Variants in PDE4D observed in about 807,000 individuals in gnomAD.
PDE4D encodes the protein phosphodiesterase 4D, also known as 3',5'-cyclic-AMP phosphodiesterase 4D.
In PDE4D, 24 loss-of-function variants were observed where a neutral mutation model predicts 87.4. The observed-to-expected ratio is 0.27, with a 90% CI of 0.20 to 0.39. The LOEUF is 0.39. PDE4D is among the 10% of genes least tolerant of loss of function. PDE4D has a pLI of 1.00. For synonymous variants in PDE4D, 384 were observed against 383.2 expected, an observed-to-expected ratio of 1.00 and a Z score of -0.02; for missense variants, 714 against 1,041.0, an observed-to-expected ratio of 0.69 and a Z score of 4.32.
In PDE4D at chr5:60,043,594, T is replaced by C. The variant is rs144419900; in HGVS notation, c.43-54877A>G. 7.9e-3 allele frequency among the ~76,000 whole-genome samples: 1,194 copies of C among 150,756 alleles called. 22 individuals are homozygous for C. The highest frequency in any genetic ancestry group is 0.027 in the African/African-American group (1,129 of 41,104). ...GGAAGCACATCAGACTAACAGTGGA[T>C]CTCTCTGCAGAAACCCTACAAGACA... On this transcript the variant is annotated intron_variant, in intron 2 of 16. Coordinates refer to the PDE4D transcript ENST00000502484.
At chr5:60,337,388 T>TATATATATACACACACACAC (rs66871903) in intron 1 of PDE4D, among the ~76,000 whole-genome samples, 1 of 89,476 alleles carries the variant, frequency 1.1e-5, no homozygotes, top group Admixed American at 1.3e-4. Flanking sequence ...TATATATATA[T>TATATATATACACACACACAC]ACACACACAC....
intron 5 of PDE4D, among the ~76,000 whole-genome samples, chr5:59,054,937 G>A (rs547541441): frequency 2.0e-5 from 3 of 152,040 alleles, no homozygotes; most frequent in Non-Finnish European, 2.9e-5. Flanking sequence ...TCTACTTCAC[G>A]TGAGAGTAGA....
rs1395069364 is a variant in PDE4D at position 59,658,250 on chromosome 5, A to C, written c.455+234918T>G. 2.6e-5 allele frequency among the ~76,000 whole-genome samples: 4 copies of C among 152,208 alleles called. No individual in the cohort carries two copies. In the South Asian group the frequency reaches 8.3e-4, roughly 31 times the overall value. On this transcript the variant is annotated intron_variant, in intron 1 of 14. Coordinates refer to ENST00000340635, the MANE Select transcript of PDE4D (RefSeq NM_001104631.2). ...TTTTCTGCAACTTATAGATTAAAAA[A>C]AAACCATGAATCTCTGAGTATATTA...
chr5:59,946,511 A>G (rs140586333), intron 3 of PDE4D, among the ~76,000 whole-genome samples: 4,046 of 152,320 alleles, frequency 0.027, 84 homozygotes, highest in Middle Eastern at 0.044. Context: ...GGAGTGCTGG[A>G]CCAAGAGACT....
intron 1 of PDE4D, among the ~76,000 whole-genome samples, chr5:60,323,590 T>C (rs754613509): frequency 2.6e-5 from 4 of 152,172 alleles, no homozygotes; most frequent in Admixed American, 2.6e-4. Context: ...CCAATACTTA[T>C]GTGCCAAGCT....
chr5:59,147,178 G>T (rs1337477163), intron 5 of PDE4D, among the ~76,000 whole-genome samples: 1 of 152,172 alleles, frequency 6.6e-6, no homozygotes, highest in East Asian at 1.9e-4. Context: ...TGCCAAAAAG[G>T]TTGGGGACCA....
chr5:59,321,264 T>G (rs760944183), intron 1 of PDE4D, among the ~76,000 whole-genome samples: 3 of 152,074 alleles, frequency 2.0e-5, no homozygotes, highest in Non-Finnish European at 4.4e-5. Flanking sequence ...CTCCCTGAGA[T>G]GGCATTCTTG....
At chr5:59,356,874 G>A (rs746899495) in intron 1 of PDE4D, 93 of 1,526,326 alleles carry the variant, frequency 6.1e-5, no homozygotes, top group Non-Finnish European at 7.4e-5. Flanking sequence ...AGATCCCCAG[G>A]AACCACGAGA....
At chr5:59,800,072 G>A (rs1341546004) in intron 1 of PDE4D, among the ~76,000 whole-genome samples, 1 of 152,134 alleles carries the variant, frequency 6.6e-6, no homozygotes, top group Non-Finnish European at 1.5e-5. Flanking sequence ...GTAGTATGTG[G>A]AAGAAAGGTC....
intron 1 of PDE4D, among the ~76,000 whole-genome samples, chr5:59,531,915 T>C (rs747000180): frequency 6.6e-6 from 1 of 152,216 alleles, no homozygotes; most frequent in African/African-American, 2.4e-5. Context: ...GGGGCTATTA[T>C]TTTGCCTATA....
intron 1 of PDE4D, among the ~76,000 whole-genome samples, chr5:59,859,306 T>TAG (rs1490012125): frequency 1.3e-5 from 2 of 152,196 alleles, no homozygotes; most frequent in Non-Finnish European, 2.9e-5. Context: ...AAAGGACAGT[T>TAG]CGCTATGTTT....
intron 1 of PDE4D, among the ~76,000 whole-genome samples, chr5:59,866,910 G>C (rs1316376652): frequency 6.6e-6 from 1 of 152,158 alleles, no homozygotes; most frequent in Non-Finnish European, 1.5e-5. Flanking sequence ...CCTTCCATCA[G>C]ACAGAGTTCT....
intron 1 of PDE4D, among the ~76,000 whole-genome samples, chr5:59,464,182 A>AC (rs1228380749): frequency 2.0e-5 from 3 of 152,118 alleles, no homozygotes; most frequent in African/African-American, 7.2e-5. Flanking sequence ...GAAAGACCTG[A>AC]CCGTCCCCCA....
intron 1 of PDE4D, among the ~76,000 whole-genome samples, chr5:59,519,562 C>T (rs546367691): frequency 3.0e-4 from 45 of 152,142 alleles, no homozygotes; most frequent in Non-Finnish European, 3.7e-4. Flanking sequence ...GTGGGTGAGG[C>T]GGACAGTGGT....
intron 5 of PDE4D, among the ~76,000 whole-genome samples, chr5:59,065,417 A>G (rs546316959): frequency 3.7e-4 from 57 of 152,282 alleles, no homozygotes; most frequent in African/African-American, 1.4e-3. Flanking sequence ...TAACATAAGT[A>G]TACAATCAAC....
At chr5:59,323,589 T>C (rs1263963109) in intron 1 of PDE4D, among the ~76,000 whole-genome samples, 1 of 152,060 alleles carries the variant, frequency 6.6e-6, no homozygotes, top group Non-Finnish European at 1.5e-5. Flanking sequence ...CCTATTTCTC[T>C]TACCTATTAA....
intron 1 of PDE4D, among the ~76,000 whole-genome samples, chr5:59,527,362 G>A (rs977490420): frequency 2.0e-5 from 3 of 151,918 alleles, no homozygotes; most frequent in Admixed American, 2.0e-4. Flanking sequence ...CCTTTTTCTA[G>A]TACTATGTTC....
In PDE4D at chr5:60,144,114, C is replaced by T. The variant is rs1780792598; in HGVS notation, c.42+41443G>A. Among the ~76,000 whole-genome samples the T allele has an allele frequency of 3.3e-5, 5 of 152,290 alleles. No homozygotes were observed. The South Asian group carries it at 8.3e-4, about 25-fold the overall frequency. ...ATCCCAAGTTCCTCCACTCATCCTC[C>T]CAGCGGCAGCGGTGACCTCCAGGTG... On this transcript the variant is annotated intron_variant, in intron 2 of 16. Transcript: ENST00000502484.
intron 1 of PDE4D, among the ~76,000 whole-genome samples, chr5:60,494,335 C>T (rs1001529458): frequency 1.3e-5 from 2 of 152,098 alleles, no homozygotes; most frequent in Admixed American, 6.5e-5. Context: ...CTACAGAATC[C>T]GACATCAAGA....
Sources: allele counts gnomAD v4.1 joint callset (sites outside exome capture counted in the v4.1 genomes callset), GRCh38; gene constraint gnomAD v4.1.1; transcripts MANE v1.5; gene names NCBI Gene and HGNC (gene_info 2026-07-23, HGNC 2026-07-21).